The following THADA variants were observed in gnomAD, a reference collection of about 807,000 sequenced individuals.
THADA encodes the protein THADA armadillo repeat containing, also known as tRNA (32-2'-O)-methyltransferase regulator THADA.
THADA carries 213 observed loss-of-function variants against 219.8 expected under a neutral mutation model. The ratio of observed to expected loss-of-function variants is 0.97; its 90% CI spans 0.87 to 1.09. The LOEUF is 1.09. THADA is among the 50% of genes least tolerant of loss of function. THADA has a pLI of 0.00. For synonymous variants in THADA, 1,018 were observed against 828.9 expected (o/e 1.23, Z -3.92); for missense variants, 2,956 against 2,311.3 (o/e 1.28, Z -5.72).
chr2:43,354,285 C>T (rs1272462750), intron 29 of THADA, among the ~76,000 whole-genome samples: 1 of 151,828 alleles, frequency 6.6e-6, no homozygotes, highest in Non-Finnish European at 1.5e-5. Flanking sequence ...TATATGGTAG[C>T]TGTATATATT....
At chr2:43,525,263 T>A (rs1025104556) in intron 22 of THADA, among the ~76,000 whole-genome samples, 1 of 152,194 alleles carries the variant, frequency 6.6e-6, no homozygotes, top group Non-Finnish European at 1.5e-5. Flanking sequence ...ATTCAGTTGG[T>A]TCATGTGGCA....
rs566203563 is a variant in THADA at position 43,238,900 on chromosome 2, G to C, written c.5297-6018C>G. On this transcript the variant is annotated intron_variant, in intron 36 of 37. Transcript: ENST00000405975. ...ACATGCCAAGAGCTGTGGGAGCTGG[G>C]GGTTGGTGGGAGGAAGACGTCAATG... 3.5e-4 allele frequency among the ~76,000 whole-genome samples: 48 copies of C among 136,890 alleles called. 1 individual carries two copies. Among genetic ancestry groups the C allele is most frequent in the Admixed American group, 3.2e-3 (47 of 14,626 alleles). The allele number at this position is 136,890 out of a possible 152,430, so 89.8% of individuals were successfully genotyped here. A position where few individuals can be genotyped will look rare whatever the true frequency, so the allele number is the denominator to read the frequency against.
chr2:43,584,734 C>G (rs1045925801), intron 7 of THADA, among the ~76,000 whole-genome samples: 1 of 152,138 alleles, frequency 6.6e-6, no homozygotes, highest in Non-Finnish European at 1.5e-5. Flanking sequence ...GCCCAGAAGC[C>G]ATTTGATTTG....
chr2:43,357,448 G>A (rs916014293), intron 29 of THADA, among the ~76,000 whole-genome samples: 1 of 152,120 alleles, frequency 6.6e-6, no homozygotes, highest in Non-Finnish European at 1.5e-5. Context: ...GCAAAACCAC[G>A]ACTTGAAAGT....
rs191116116 is a variant in THADA, at chr2:43,565,080, C to A, written c.2311+1618G>T. 7.9e-5 allele frequency: 12 copies of A among 152,222 alleles called. No individual in the cohort carries two copies. In the East Asian group the frequency reaches 2.3e-3, roughly 29 times the overall value. The allele number at this position is 152,222 out of a possible 1,614,324, so 9.4% of individuals were successfully genotyped here. On this transcript the variant is annotated intron_variant, in intron 15 of 37. Transcript: ENST00000405975. ...CAACATTCAATTTCCTGAATTTGAT[C>A]ATTGTGTTATGGTTATAGAATTAAT...
chr2:43,493,295 G>A (rs955381889), intron 25 of THADA, among the ~76,000 whole-genome samples: 11 of 152,186 alleles, frequency 7.2e-5, no homozygotes, highest in African/African-American at 2.7e-4. Flanking sequence ...AAGAGATTGA[G>A]ACCATTCTAG....
chr2:43,247,499 T>C (rs1224767514), intron 36 of THADA, among the ~76,000 whole-genome samples: 1 of 151,958 alleles, frequency 6.6e-6, no homozygotes, highest in Non-Finnish European at 1.5e-5. Flanking sequence ...CACAGGACTT[T>C]GGGAGGCTGA....
chr2:43,470,589 AT>A lies in THADA; in HGVS notation c.3836+14644del, dbSNP rs565115393. Among the ~76,000 whole-genome samples the A allele has an allele frequency of 1.5e-3, 230 of 152,342 alleles. 3 individuals are homozygous for A. The highest frequency in any genetic ancestry group is 2.8e-3 in the Non-Finnish European group (188 of 68,034). On this transcript the variant is annotated intron_variant, in intron 26 of 37. Transcript: ENST00000405975. ...TATATAATAATTAGTAATATACCTT[AT>A]AAAAACTGAACACTCACGAATGAGA...
At chr2:43,540,347 T>A (rs1169187611) in intron 21 of THADA, among the ~76,000 whole-genome samples, 1 of 151,976 alleles carries the variant, frequency 6.6e-6, no homozygotes, top group Admixed American at 6.6e-5. Flanking sequence ...AGCCACAGAG[T>A]GTGAGAAAAA....
chr2:43,253,252 T>C (rs1196206880), intron 36 of THADA, among the ~76,000 whole-genome samples: 1 of 152,212 alleles, frequency 6.6e-6, no homozygotes, highest in Non-Finnish European at 1.5e-5. Flanking sequence ...CGTGGCTGGA[T>C]AGAGGTCATG....
chr2:43,282,794 G>GT (rs1315866868), intron 35 of THADA, among the ~76,000 whole-genome samples: 1 of 152,168 alleles, frequency 6.6e-6, no homozygotes, highest in African/African-American at 2.4e-5. Flanking sequence ...CTCAAGCTTG[G>GT]TTTTCTTATA....
chr2:43,286,361 T>A (rs1026396139), intron 35 of THADA, among the ~76,000 whole-genome samples: 2 of 152,170 alleles, frequency 1.3e-5, no homozygotes, highest in Non-Finnish European at 2.9e-5. Flanking sequence ...AATAGTGGAC[T>A]GAAATTATCA....
At chr2:43,246,190 C>A (rs932818926) in intron 36 of THADA, among the ~76,000 whole-genome samples, 9 of 152,048 alleles carry the variant, frequency 5.9e-5, no homozygotes, top group African/African-American at 2.2e-4. Context: ...GCACCCGCCT[C>A]CCAGTCTTAT....
chr2:43,384,662 T>C (rs988116516), intron 29 of THADA, among the ~76,000 whole-genome samples: 1 of 152,192 alleles, frequency 6.6e-6, no homozygotes, highest in Non-Finnish European at 1.5e-5. Context: ...GCATACTTCT[T>C]TTCAGTATAA....
chr2:43,528,125 G>C lies in THADA; in HGVS notation c.3265-137C>G, dbSNP rs878915818. 9.7e-4 allele frequency: 231 copies of C among 238,940 alleles called. 1 individual carries two copies. The highest frequency in any genetic ancestry group is 6.3e-3 in the African/African-American group (217 of 34,712). The allele number at this position is 238,940 out of a possible 1,614,324, so 14.8% of individuals were successfully genotyped here. On this transcript the variant is annotated intron_variant, in intron 21 of 37. Coordinates refer to ENST00000405975, the MANE Select transcript of THADA (RefSeq NM_022065.5). The stretch of plus-strand genomic sequence containing the variant: ...TACCATATGACAGAACATGTTTTAA[G>C]CTTTTTTTTTTTTTTTTTTTTTTGA...
chr2:43,234,178 T>C (rs1667759158), intron 36 of THADA, among the ~76,000 whole-genome samples: 1 of 152,144 alleles, frequency 6.6e-6, no homozygotes, highest in African/African-American at 2.4e-5. Flanking sequence ...CTTGCACACA[T>C]CAAGAAATTA....
chr2:43,564,240 TG>T (rs1698410716), intron 15 of THADA: 1 of 152,260 alleles, frequency 6.6e-6, no homozygotes, highest in Non-Finnish European at 1.5e-5. Context: ...CACTGGATGC[TG>T]TAACAAATTA....
intron 10 of THADA, among the ~76,000 whole-genome samples, chr2:43,575,434 C>T (rs551718787): frequency 5.3e-5 from 8 of 152,164 alleles, no homozygotes; most frequent in African/African-American, 1.9e-4. Flanking sequence ...GGTGACAAAG[C>T]GAGACTTTGT....
intron 26 of THADA, among the ~76,000 whole-genome samples, chr2:43,459,512 C>A (rs1573755629): frequency 6.6e-6 from 1 of 152,134 alleles, no homozygotes; most frequent in African/African-American, 2.4e-5. Flanking sequence ...CTCCAAAGAG[C>A]TGATATTCTA....
Sources: allele counts gnomAD v4.1 joint callset (sites outside exome capture counted in the v4.1 genomes callset), GRCh38; gene constraint gnomAD v4.1.1; transcripts MANE v1.5; gene names NCBI Gene and HGNC (gene_info 2026-07-23, HGNC 2026-07-21).